The following PLCXD2 variants were observed in gnomAD, a reference collection of about 807,000 sequenced individuals.
PLCXD2 encodes PI-PLC X domain-containing protein 2.
A neutral mutation model predicts 28.6 loss-of-function variants in PLCXD2; 21 were observed. That is an observed-to-expected ratio of 0.73 (90% CI 0.52 to 1.06). The LOEUF is 1.06. PLCXD2 is among the 50% of genes least tolerant of loss of function. The pLI is 0.00. For synonymous variants in PLCXD2, 140 were observed against 150.1 expected, an observed-to-expected ratio of 0.93 and a Z score of 0.49; for missense variants, 369 against 376.7, an observed-to-expected ratio of 0.98 and a Z score of 0.17.
chr3:111,675,724 T>C (rs1344454714), intron 1 of PLCXD2, among the ~76,000 whole-genome samples: 2 of 152,222 alleles, frequency 1.3e-5, no homozygotes, highest in African/African-American at 4.8e-5. Context: ...GAGGGGTGCA[T>C]TGTCTTAAAT....
At chr3:111,701,256 C>T (rs1410639687) in intron 1 of PLCXD2, among the ~76,000 whole-genome samples, 1 of 152,130 alleles carries the variant, frequency 6.6e-6, no homozygotes, top group East Asian at 1.9e-4. Flanking sequence ...AATTTTGTGA[C>T]AATAGGTACT....
At chr3:111,713,509 A>G (rs1027884404) in intron 2 of PLCXD2, among the ~76,000 whole-genome samples, 8 of 152,224 alleles carry the variant, frequency 5.3e-5, no homozygotes, top group African/African-American at 1.9e-4. Flanking sequence ...TGCATTTATC[A>G]TGCAGCACAT....
At chr3:111,688,892 G>GTT (rs925434917) in intron 1 of PLCXD2, among the ~76,000 whole-genome samples, 19 of 151,636 alleles carry the variant, frequency 1.3e-4, no homozygotes, top group South Asian at 4.2e-4. Context: ...AAATAAATAT[G>GTT]TTATATATAT....
At chr3:111,689,732 T>C (rs1940847179) in intron 1 of PLCXD2, among the ~76,000 whole-genome samples, 1 of 152,124 alleles carries the variant, frequency 6.6e-6, no homozygotes, top group Non-Finnish European at 1.5e-5. Flanking sequence ...AATCTTGAAA[T>C]ATATCTACAA....
chr3:111,684,515 A>G (rs898486004), intron 1 of PLCXD2, among the ~76,000 whole-genome samples: 3 of 151,858 alleles, frequency 2.0e-5, no homozygotes, highest in South Asian at 2.1e-4. Context: ...TTAGCCAGGC[A>G]TGATGGCGGG....
chr3:111,709,150 G>A (rs944277763), intron 2 of PLCXD2, among the ~76,000 whole-genome samples: 1 of 151,154 alleles, frequency 6.6e-6, no homozygotes, highest in African/African-American at 2.4e-5. Flanking sequence ...CTCAGCAGAT[G>A]CATTAACCAA....
chr3:111,715,318 C>A (rs918696188), intron 3 of PLCXD2, among the ~76,000 whole-genome samples: 4 of 152,140 alleles, frequency 2.6e-5, no homozygotes, highest in Non-Finnish European at 5.9e-5. Context: ...TTTCCTCATG[C>A]CTCTGGTATA....
rs10655649 is a variant in PLCXD2 at position 111,709,467 on chromosome 3, TACAC to T, written c.624+1094_624+1097del. Among the ~76,000 whole-genome samples, 51 of 150,556 alleles carry T rather than the reference TACAC, an allele frequency of 3.4e-4. No individual in the cohort carries two copies. The Middle Eastern group carries it at 0.01, about 31-fold the overall frequency. On this transcript the variant is annotated intron_variant, in intron 2 of 4. Transcript: ENST00000477665. Reference sequence around the variant, plus strand: ...CTCTCTCCATATATGTGTGTGTATATACACACACACACACACGCACACACACACA... The same window carrying T: ...CTCTCTCCATATATGTGTGTGTATATACACACACACACGCACACACACACA...
intron 1 of PLCXD2, among the ~76,000 whole-genome samples, chr3:111,678,443 A>C (rs1353110948): frequency 6.6e-6 from 1 of 152,238 alleles, no homozygotes; most frequent in Non-Finnish European, 1.5e-5. Flanking sequence ...GATATTCTCT[A>C]TGGACAAATG....
At position 111,715,514 on chromosome 3, in the gene PLCXD2, G is replaced by A. The variant is rs966514173; in HGVS notation, c.866+1386G>A. Among the ~76,000 whole-genome samples the A allele has an allele frequency of 3.3e-5, 5 of 152,220 alleles. No homozygotes were observed. In the East Asian group the frequency reaches 5.8e-4, roughly 18 times the overall value. ...ATACCACTGTGAAGAAGTCTGTGCA[G>A]ACAGCCATACTAATAATGGAGAGGG... On this transcript the variant is annotated intron_variant, in intron 3 of 4. Transcript: ENST00000477665.
intron 1 of PLCXD2, among the ~76,000 whole-genome samples, chr3:111,675,822 T>A (rs990427726): frequency 6.6e-6 from 1 of 152,220 alleles, no homozygotes; most frequent in Admixed American, 6.5e-5. Flanking sequence ...ATATTTTATT[T>A]CTCATTTATC....
chr3:111,701,677 G>A (rs1244282909), intron 1 of PLCXD2, among the ~76,000 whole-genome samples: 1 of 152,144 alleles, frequency 6.6e-6, no homozygotes, highest in Non-Finnish European at 1.5e-5. Context: ...TTGTTTGGGT[G>A]GTTTTTGGTA....
chr3:111,690,541 T>G (rs2107846363), intron 1 of PLCXD2, among the ~76,000 whole-genome samples: 1 of 152,332 alleles, frequency 6.6e-6, no homozygotes, highest in South Asian at 2.1e-4. Flanking sequence ...GCATGAGGCT[T>G]TAGCAGGTGT....
chr3:111,720,239 A>C (rs932152458), intron 3 of PLCXD2, among the ~76,000 whole-genome samples: 2 of 151,900 alleles, frequency 1.3e-5, no homozygotes, highest in African/African-American at 4.8e-5. Flanking sequence ...ACAGAGTCTC[A>C]CTCTGTCACC....
chr3:111,719,503 A>G (rs575589543), intron 3 of PLCXD2, among the ~76,000 whole-genome samples: 11 of 152,362 alleles, frequency 7.2e-5, no homozygotes, highest in African/African-American at 2.6e-4. Flanking sequence ...CTGCCAGTGT[A>G]GGAAACTGGA....
intron 3 of PLCXD2, among the ~76,000 whole-genome samples, chr3:111,715,403 A>C (rs1941254798): frequency 6.6e-6 from 1 of 152,230 alleles, no homozygotes; most frequent in Non-Finnish European, 1.5e-5. Flanking sequence ...ACAAAGATTC[A>C]AGGTGAATAT....
chr3:111,707,861 T>C, intron 1 of PLCXD2, 65 bp from the exon 2 acceptor site: 1 of 1,416,396 alleles, frequency 7.1e-7, no homozygotes, highest in South Asian at 1.4e-5. Context: ...TGTTTTCTCA[T>C]CAATTGGCTT....
chr3:111,700,342 GA>G (rs1442545907), intron 1 of PLCXD2, among the ~76,000 whole-genome samples: 1 of 152,186 alleles, frequency 6.6e-6, no homozygotes, highest in African/African-American at 2.4e-5. Context: ...TAGTAATTGT[GA>G]AAATGAAAGG....
At chr3:111,676,505 A>G (rs1340807826) in intron 1 of PLCXD2, among the ~76,000 whole-genome samples, 1 of 151,232 alleles carries the variant, frequency 6.6e-6, no homozygotes, top group African/African-American at 2.4e-5. Context: ...TTCTTTACTC[A>G]CCTCCTCTTT....
Sources: gnomAD v4.1 joint callset for allele counts (sites outside exome capture counted in the v4.1 genomes callset) on GRCh38, gnomAD v4.1.1 for gene constraint, MANE v1.5 for transcripts, NCBI Gene and HGNC (gene_info 2026-07-23, HGNC 2026-07-21) for gene names.